The following B3GALT1 variants were observed in gnomAD, a reference collection of about 807,000 sequenced individuals.
B3GALT1 encodes the protein beta-1,3-galactosyltransferase 1.
In B3GALT1, 10 loss-of-function variants were observed where a neutral mutation model predicts 23.2. The ratio of observed to expected loss-of-function variants is 0.43; its 90% confidence interval spans 0.27 to 0.73. The LOEUF is 0.73. Ranked by LOEUF, B3GALT1 falls within the 30% of genes least tolerant of loss-of-function variation. B3GALT1 has a pLI of 0.21. For synonymous variants in B3GALT1, 156 were observed against 141.5 expected (o/e 1.10, Z -0.73); for missense variants, 299 against 405.4 (o/e 0.74, Z 2.25).
chr2:167,864,158 TTTTTGA>T (rs1482033466), intron 4 of B3GALT1, among the ~76,000 whole-genome samples: 1 of 152,202 alleles, frequency 6.6e-6, no homozygotes, highest in Non-Finnish European at 1.5e-5. Flanking sequence ...CTTTTTGCAC[TTTTTGA>T]TTATCAAGAA....
chr2:167,393,343 A>G (rs1698049039), intron 1 of B3GALT1, among the ~76,000 whole-genome samples: 1 of 151,506 alleles, frequency 6.6e-6, no homozygotes, highest in Non-Finnish European at 1.5e-5. Context: ...ACCAAGGTTC[A>G]TTAAAGTAGA....
At chr2:167,678,460 A>G (rs939502955) in intron 3 of B3GALT1, among the ~76,000 whole-genome samples, 9 of 142,654 alleles carry the variant, frequency 6.3e-5, no homozygotes, top group African/African-American at 2.2e-4. Flanking sequence ...GCCTGATGAG[A>G]TGACTGCACC....
chr2:167,684,143 CTA>C (rs1686579372), intron 3 of B3GALT1, among the ~76,000 whole-genome samples: 1 of 152,210 alleles, frequency 6.6e-6, no homozygotes, highest in African/African-American at 2.4e-5. Flanking sequence ...CTCCATTTAA[CTA>C]TGAGTTCTTG....
chr2:167,304,896 A>T (rs1696525685), intron 1 of B3GALT1, among the ~76,000 whole-genome samples: 1 of 152,190 alleles, frequency 6.6e-6, no homozygotes, highest in Non-Finnish European at 1.5e-5. Context: ...AAAGCTCAAG[A>T]TCTAAGAACA....
At chr2:167,507,770 A>G (rs773719138) in intron 2 of B3GALT1, among the ~76,000 whole-genome samples, 7 of 152,184 alleles carry the variant, frequency 4.6e-5, no homozygotes, top group Non-Finnish European at 1.0e-4. Context: ...TTGTCTTAAC[A>G]TTGTAAGACA....
intron 1 of B3GALT1, among the ~76,000 whole-genome samples, chr2:167,337,989 G>A (rs1009674155): frequency 6.6e-6 from 1 of 152,142 alleles, no homozygotes. Flanking sequence ...TGAAAACCAA[G>A]TGGTGAATGG....
At chr2:167,807,023 T>C (rs1171442210) in intron 3 of B3GALT1, among the ~76,000 whole-genome samples, 1 of 152,222 alleles carries the variant, frequency 6.6e-6, no homozygotes, top group African/African-American at 2.4e-5. Context: ...AGATTCAACT[T>C]CTTCCTGGTT....
chr2:167,839,408 T>C (rs1487704595), intron 4 of B3GALT1, among the ~76,000 whole-genome samples: 1 of 152,254 alleles, frequency 6.6e-6, no homozygotes, highest in Non-Finnish European at 1.5e-5. Flanking sequence ...AGCCAAATCA[T>C]GAGTGAACTT....
rs528155074 is a variant in B3GALT1, at chr2:167,535,359, C to T, written c.-410+45082C>T. On this transcript the variant is annotated intron_variant, in intron 2 of 4. Transcript: ENST00000392690. ...TGTACAATCTATACTGTGTACCAGC[C>T]CATCATGGGAAAGACATGGCCATCT... Among the ~76,000 whole-genome samples, 3 of 151,996 alleles carry T rather than the reference C, an allele frequency of 2.0e-5. No individual in the cohort carries two copies. In the East Asian group the frequency reaches 5.8e-4, roughly 29 times the overall value.
chr2:167,521,229 T>C (rs1358956703), intron 2 of B3GALT1, among the ~76,000 whole-genome samples: 1 of 152,158 alleles, frequency 6.6e-6, no homozygotes, highest in Non-Finnish European at 1.5e-5. Context: ...GAAGCTCTTG[T>C]AAAACTCATG....
chr2:167,572,017 T>C (rs958029649), intron 2 of B3GALT1, among the ~76,000 whole-genome samples: 2 of 151,702 alleles, frequency 1.3e-5, no homozygotes, highest in East Asian at 1.9e-4. Context: ...AGAAAGAAAA[T>C]GTCTCTTATA....
At chr2:167,566,099 C>T (rs1216483654) in intron 2 of B3GALT1, among the ~76,000 whole-genome samples, 1 of 151,996 alleles carries the variant, frequency 6.6e-6, no homozygotes, top group Non-Finnish European at 1.5e-5. Flanking sequence ...TTGGAACAAA[C>T]CCAAATGTTC....
At chr2:167,447,792 C>T (rs143817819) in intron 1 of B3GALT1, among the ~76,000 whole-genome samples, 1 of 152,148 alleles carries the variant, frequency 6.6e-6, no homozygotes, top group Non-Finnish European at 1.5e-5. Flanking sequence ...ATGGAATTCC[C>T]TGACCCCTTG....
chr2:167,487,029 A>G (rs1463379527), intron 1 of B3GALT1, among the ~76,000 whole-genome samples: 1 of 152,260 alleles, frequency 6.6e-6, no homozygotes, highest in African/African-American at 2.4e-5. Context: ...TGAAATGTAT[A>G]CAAACAGGAA....
Position 167,679,120 on chromosome 2 carries a change from T to G in B3GALT1, c.-352+32154T>G, listed in dbSNP as rs957578312. ...TGTTTTTGTTTTTGTTTTTTTGTTT[T>G]TGTTTTTTTTTTTGAGACAGAGTTT... On this transcript the variant is annotated intron_variant, in intron 3 of 4. Coordinates refer to ENST00000392690, the MANE Select transcript of B3GALT1 (RefSeq NM_020981.4). 2.6e-5 allele frequency among the ~76,000 whole-genome samples: 3 copies of G among 116,182 alleles called. No homozygotes were observed. In the East Asian group the frequency reaches 6.4e-4, roughly 25 times the overall value. The allele number at this position is 116,182 out of a possible 152,430, so 76.2% of individuals were successfully genotyped here. A position where few individuals can be genotyped will look rare whatever the true frequency, so the allele number is the denominator to read the frequency against.
chr2:167,602,915 A>G (rs531836181), intron 2 of B3GALT1, among the ~76,000 whole-genome samples: 1 of 152,282 alleles, frequency 6.6e-6, no homozygotes, highest in South Asian at 2.1e-4. Flanking sequence ...CACCCCTTGT[A>G]TAATATTTCT....
At chr2:167,590,173 C>T (rs1364761029) in intron 2 of B3GALT1, among the ~76,000 whole-genome samples, 4 of 151,908 alleles carry the variant, frequency 2.6e-5, no homozygotes, top group East Asian at 1.9e-4. Flanking sequence ...AGTGAAACCC[C>T]GTCTCTACTA....
chr2:167,626,378 AT>A (rs1175652926), intron 2 of B3GALT1, among the ~76,000 whole-genome samples: 1 of 151,620 alleles, frequency 6.6e-6, no homozygotes, highest in Non-Finnish European at 1.5e-5. Context: ...ATATCAATGT[AT>A]TTACTCATTT....
intron 2 of B3GALT1, among the ~76,000 whole-genome samples, chr2:167,547,287 T>C (rs1161632925): frequency 6.6e-6 from 1 of 152,220 alleles, no homozygotes; most frequent in African/African-American, 2.4e-5. Context: ...ATTAAAATAT[T>C]TGTGACATCC....
Sources: allele counts gnomAD v4.1 joint callset (sites outside exome capture counted in the v4.1 genomes callset), GRCh38; gene constraint gnomAD v4.1.1; transcripts MANE v1.5; gene names NCBI Gene and HGNC (gene_info 2026-07-23, HGNC 2026-07-21).